The following SLC25A36 variants were observed in gnomAD, a reference collection of about 807,000 sequenced individuals.
The protein encoded by SLC25A36 is epididymis secretory sperm binding protein.
A neutral mutation model predicts 35.3 loss-of-function variants in SLC25A36; 24 were observed. That is an observed-to-expected ratio of 0.68 (90% confidence interval 0.49 to 0.96). The LOEUF (loss-of-function observed/expected upper bound fraction) is 0.96, where lower values mean the gene tolerates loss of function less well. SLC25A36 is among the 40% of genes least tolerant of loss of function. SLC25A36 has a pLI of 0.00. For missense variants in SLC25A36, 294 were observed against 381.1 expected (o/e 0.77, Z 1.90); for synonymous variants, 141 against 132.2 (o/e 1.07, Z -0.46).
chr3:140,968,621 A>G lies in SLC25A36; in HGVS notation c.386-2306A>G, dbSNP rs763449917. The G allele has an allele frequency of 1.6e-3, 1,534 of 953,952 alleles. 2 individuals carry two copies. The highest frequency in any genetic ancestry group is 1.8e-3 in the Non-Finnish European group (1,479 of 801,488). 59.1% of individuals were successfully genotyped at this position (953,952 alleles called of 1,614,324 possible). ...GGGTCTTTAAAAGGTTTTGTTCCTA[A>G]CAACATTTATAAAAATTTATTGTAC... On this transcript the variant is annotated intron_variant, in intron 4 of 6. Coordinates refer to ENST00000324194, the MANE Select transcript of SLC25A36 (RefSeq NM_001104647.3).
chr3:140,967,997 A>G, intron 4 of SLC25A36: 1 of 985,082 alleles, frequency 1.0e-6, no homozygotes. Flanking sequence ...CAATTTCTAA[A>G]TTTCAGGGGC....
At chr3:140,947,101 A>G (rs1292660849) in intron 1 of SLC25A36, among the ~76,000 whole-genome samples, 2 of 152,208 alleles carry the variant, frequency 1.3e-5, no homozygotes, top group African/African-American at 4.8e-5. Context: ...GAGCAAATAT[A>G]CAAGATCTAG....
intron 4 of SLC25A36, chr3:140,968,075 A>C (rs1934808333): frequency 1.0e-6 from 1 of 984,952 alleles, no homozygotes; most frequent in African/African-American, 1.7e-5. Flanking sequence ...GCTTGGGCTA[A>C]CCTCAAATTG....
chr3:140,973,627 C>A, intron 5 of SLC25A36, 89 bp from the exon 6 acceptor site: 1 of 909,864 alleles, frequency 1.1e-6, no homozygotes, highest in South Asian at 4.4e-5. Flanking sequence ...TTAAAGAAGG[C>A]CATTCTTTTA....
Position 140,970,976 on chromosome 3 carries a change from GT to G in SLC25A36, c.437del (p.Leu146TyrfsTer28). On this transcript the variant is annotated frameshift_variant, in exon 5 of 7. Coordinates refer to ENST00000324194, the MANE Select transcript of SLC25A36 (RefSeq NM_001104647.3). LOFTEE classifies it high-confidence loss of function. ...TNPIWLIKTR[L>X]QLDARNRGER... ...ACCCCATTTGGCTTATAAAGACTCG[GT>G]TACAGCTTGATGCAAGGTATGTTAA... is the stretch of plus-strand genomic sequence containing the variant. 6.8e-7 allele frequency: 1 copy of G among 1,477,198 alleles called. No homozygotes were observed. The highest frequency in any genetic ancestry group is 9.5e-7 in the Non-Finnish European group (1 of 1,056,836). 91.5% of individuals were successfully genotyped at this position (1,477,198 alleles called of 1,614,324 possible).
chr3:140,962,350 C>A (rs941184795), intron 3 of SLC25A36, among the ~76,000 whole-genome samples: 102 of 152,082 alleles, frequency 6.7e-4, no homozygotes, highest in African/African-American at 2.4e-3. Flanking sequence ...TTTCATACAG[C>A]AAGCAAATAA....
intron 4 of SLC25A36, chr3:140,966,680 A>G: frequency 2.9e-6 from 1 of 339,846 alleles, no homozygotes; most frequent in Non-Finnish European, 5.8e-6. Flanking sequence ...TCTTTAAGGC[A>G]GAATTGATCT....
At chr3:140,947,686 C>T (rs914860589) in intron 1 of SLC25A36, among the ~76,000 whole-genome samples, 13 of 152,066 alleles carry the variant, frequency 8.5e-5, no homozygotes, top group Admixed American at 7.9e-4. Flanking sequence ...ATAAGAATAA[C>T]GTGTTAATTT....
At chr3:140,943,557 T>C (rs548642833) in intron 1 of SLC25A36, among the ~76,000 whole-genome samples, 1 of 152,242 alleles carries the variant, frequency 6.6e-6, no homozygotes, top group South Asian at 2.1e-4. Context: ...AAAGATCTCA[T>C]GCAAATAATT....
At chr3:140,955,935 C>G (rs1934468074) in intron 1 of SLC25A36, among the ~76,000 whole-genome samples, 2 of 152,186 alleles carry the variant, frequency 1.3e-5, no homozygotes, top group Admixed American at 1.3e-4. Flanking sequence ...TCAAACCATC[C>G]TCTTGTCTCC....
At chr3:140,947,265 C>T (rs150799424) in intron 1 of SLC25A36, among the ~76,000 whole-genome samples, 2 of 152,206 alleles carry the variant, frequency 1.3e-5, no homozygotes, top group Non-Finnish European at 1.5e-5. Flanking sequence ...AAATTAGAGA[C>T]AACAAATAGA....
At chr3:140,971,135 T>C in intron 5 of SLC25A36, 142 bp downstream of exon 5, 1 of 550,402 alleles carries the variant, frequency 1.8e-6, no homozygotes, top group South Asian at 2.5e-5. Flanking sequence ...AGAAAAAAGA[T>C]AATGTAAGAG....
intron 1 of SLC25A36, among the ~76,000 whole-genome samples, chr3:140,950,825 G>A (rs1429101972): frequency 6.6e-6 from 1 of 151,996 alleles, no homozygotes; most frequent in African/African-American, 2.4e-5. Context: ...GTTCAGAAAT[G>A]TTGAGTTTGT....
chr3:140,949,408 T>G (rs1934257325), intron 1 of SLC25A36, among the ~76,000 whole-genome samples: 1 of 152,232 alleles, frequency 6.6e-6, no homozygotes, highest in Admixed American at 6.5e-5. Flanking sequence ...TAAAATAGTT[T>G]TAAATGTCTT....
intron 1 of SLC25A36, among the ~76,000 whole-genome samples, chr3:140,944,972 A>G (rs1023278251): frequency 2.0e-5 from 3 of 152,150 alleles, no homozygotes; most frequent in African/African-American, 7.2e-5. Context: ...TATTAGTCTC[A>G]TTTCCTTAAT....
Position 140,941,979 on chromosome 3 carries a change from G to C in SLC25A36, c.-76G>C. 1.2e-6 allele frequency: 1 copy of C among 816,428 alleles called. No individual in the cohort carries two copies. Among genetic ancestry groups the C allele is most frequent in the Non-Finnish European group, 2.0e-6 (1 of 498,056 alleles). The allele number at this position is 816,428 out of a possible 1,614,324, so 50.6% of individuals were successfully genotyped here. On this transcript the variant is annotated 5_prime_UTR_variant, in exon 1 of 7. Coordinates refer to ENST00000324194, the MANE Select transcript of SLC25A36 (RefSeq NM_001104647.3). ...GGGGCGCTGTGCGTCTCCAGTCCGG[G>C]ACCGAAGCCGCCTGCCGTAGCGGGC...
At chr3:140,971,855 T>C (rs1161067669) in intron 5 of SLC25A36, among the ~76,000 whole-genome samples, 2 of 152,224 alleles carry the variant, frequency 1.3e-5, no homozygotes, top group African/African-American at 2.4e-5. Context: ...TTCTACTGTT[T>C]TTATATTTTG....
rs536203338 is a variant in SLC25A36 at position 140,959,207 on chromosome 3, G to C, written c.207-256G>C. On this transcript the variant is annotated intron_variant, in intron 2 of 6. Coordinates refer to ENST00000324194, the MANE Select transcript of SLC25A36 (RefSeq NM_001104647.3). ...ATTTCTTTATTTTTATTAGCAACGAGGTTTTACCAGGTTGGCCAGGCTGGT... is the reference window on the plus strand; with the variant it reads ...ATTTCTTTATTTTTATTAGCAACGACGTTTTACCAGGTTGGCCAGGCTGGT... Among the ~76,000 whole-genome samples, 3 of 151,826 alleles carry C rather than the reference G, an allele frequency of 2.0e-5. No individual in the cohort carries two copies. In the East Asian group the frequency reaches 5.8e-4, roughly 29 times the overall value.
chr3:140,959,567 G>A (rs1005114755), intron 3 of SLC25A36, 27 bp downstream of exon 3: 25 of 1,099,788 alleles, frequency 2.3e-5, no homozygotes, highest in Middle Eastern at 2.1e-4. Flanking sequence ...ATTGTTTAAA[G>A]CAAGTTATGG....
Sources: allele counts gnomAD v4.1 joint callset (sites outside exome capture counted in the v4.1 genomes callset), GRCh38; gene constraint gnomAD v4.1.1; transcripts MANE v1.5; gene names NCBI Gene and HGNC (gene_info 2026-07-23, HGNC 2026-07-21).